NCKAP5: variants seen among roughly 807,000 people sequenced by gnomAD.
NCKAP5 encodes nck-associated protein 5.
In NCKAP5, 92 loss-of-function variants were observed where a neutral mutation model predicts 167.0. The observed-to-expected ratio is 0.55, with a 90% CI of 0.47 to 0.66. The LOEUF is 0.66. Ranked by LOEUF, NCKAP5 falls within the 30% of genes least tolerant of loss-of-function variation. The pLI is 0.00. For synonymous variants in NCKAP5, 891 were observed against 877.4 expected, an observed-to-expected ratio of 1.02 and a Z score of -0.27; for missense variants, 2,378 against 2,315.0, an observed-to-expected ratio of 1.03 and a Z score of -0.56.
chr2:132,995,174 A>T (rs988063142), intron 6 of NCKAP5, among the ~76,000 whole-genome samples: 2 of 152,144 alleles, frequency 1.3e-5, no homozygotes, highest in Admixed American at 6.5e-5. Context: ...TAAATCTATA[A>T]AAAATATTTT....
chr2:132,896,683 G>C (rs1252095464), intron 8 of NCKAP5, among the ~76,000 whole-genome samples: 2 of 152,170 alleles, frequency 1.3e-5, no homozygotes, highest in Non-Finnish European at 2.9e-5. Flanking sequence ...AGAGAATATT[G>C]AATCATTGTG....
intron 6 of NCKAP5, among the ~76,000 whole-genome samples, chr2:133,064,422 G>A (rs2080118638): frequency 6.6e-6 from 1 of 151,820 alleles, no homozygotes; most frequent in Admixed American, 6.6e-5. Context: ...ATACGTGCCA[G>A]AAAGAATGCT....
chr2:133,292,158 G>A (rs1196709339), intron 4 of NCKAP5, among the ~76,000 whole-genome samples: 1 of 152,110 alleles, frequency 6.6e-6, no homozygotes, highest in Non-Finnish European at 1.5e-5. Flanking sequence ...TTTGGAGAGA[G>A]ATACAGGGTT....
At chr2:133,039,657 A>C (rs1185664378) in intron 6 of NCKAP5, among the ~76,000 whole-genome samples, 1 of 152,156 alleles carries the variant, frequency 6.6e-6, no homozygotes, top group Non-Finnish European at 1.5e-5. Context: ...TTGAGATTAT[A>C]ATGCTATGAC....
chr2:132,770,540 G>A (rs1160394787), intron 16 of NCKAP5, among the ~76,000 whole-genome samples: 1 of 151,166 alleles, frequency 6.6e-6, no homozygotes, highest in African/African-American at 2.4e-5. Flanking sequence ...GCCAGCAGTA[G>A]CTTATTCATA....
At chr2:133,011,810 C>T (rs911623362) in intron 6 of NCKAP5, among the ~76,000 whole-genome samples, 7 of 152,190 alleles carry the variant, frequency 4.6e-5, no homozygotes, top group African/African-American at 1.4e-4. Flanking sequence ...CTGTGAACCA[C>T]GTTGCTGATC....
chr2:133,650,634 G>A, the NCKAP5 span, among the ~76,000 whole-genome samples: 5 of 152,296 alleles, frequency 3.3e-5, no homozygotes, highest in Admixed American at 3.3e-4. Flanking sequence ...CAACACTTTG[G>A]GAGGCCGAGG....
Position 132,784,383 on chromosome 2 carries a change from A to G in NCKAP5, c.2428T>C (p.Ser810Pro). Residue 810 changes from serine (S) to proline (P), a missense_variant, in exon 14 of 20, where the codon TCA (serine) becomes CCA (proline). Ser to Pro is a moderately conservative substitution (Grantham distance 74, BLOSUM62 -1). This residue lies in a region of NCKAP5 where 1,049 missense variants were observed against 1,023.4 expected (regional missense o/e 1.02). Transcript: ENST00000409261. ...TCCATTAGTTTTGATTTCTGAGGTG[A>G]AGACTTGCCCCTGGGAGGTATTTTT... ...LTKIPPRGKS[S>P]PQKSKLMEPE... The G allele has an allele frequency of 6.2e-7, 1 of 1,613,930 alleles. No individual in the cohort carries two copies.
chr2:133,323,595 G>A (rs1472818082), intron 3 of NCKAP5, among the ~76,000 whole-genome samples: 1 of 152,206 alleles, frequency 6.6e-6, no homozygotes, highest in Non-Finnish European at 1.5e-5. Context: ...CCTTCAGTGT[G>A]TTCCAGCTCT....
intron 6 of NCKAP5, among the ~76,000 whole-genome samples, chr2:133,049,324 T>A (rs2079519619): frequency 6.6e-6 from 1 of 151,972 alleles, no homozygotes; most frequent in African/African-American, 2.4e-5. Context: ...GGCGGGTGGA[T>A]CCCGAGGTCA....
intron 19 of NCKAP5, among the ~76,000 whole-genome samples, chr2:132,691,796 A>T (rs1686764534): frequency 6.6e-6 from 1 of 152,022 alleles, no homozygotes; most frequent in African/African-American, 2.4e-5. Context: ...AACCACAGAC[A>T]TTCCCACCCT....
intron 5 of NCKAP5, among the ~76,000 whole-genome samples, chr2:133,201,117 G>A (rs2085667101): frequency 6.6e-6 from 1 of 152,164 alleles, no homozygotes; most frequent in Non-Finnish European, 1.5e-5. Context: ...CAAGCACTGA[G>A]ATACCATGAT....
At chr2:133,518,583 T>G (rs1224375848) in intron 2 of NCKAP5, among the ~76,000 whole-genome samples, 2 of 152,008 alleles carry the variant, frequency 1.3e-5, no homozygotes, top group Non-Finnish European at 2.9e-5. Flanking sequence ...CTCGATCTCC[T>G]GAGCTCATGA....
intron 8 of NCKAP5, among the ~76,000 whole-genome samples, chr2:132,920,745 GTA>G (rs1212349630): frequency 7.3e-4 from 47 of 64,692 alleles, no homozygotes; most frequent in Admixed American, 2.3e-3. Flanking sequence ...ATATATATGT[GTA>G]TATATATATG....
chr2:133,393,502 G>A (rs1300084691), intron 3 of NCKAP5, among the ~76,000 whole-genome samples: 1 of 152,192 alleles, frequency 6.6e-6, no homozygotes, highest in East Asian at 1.9e-4. Context: ...CAAACAAAAA[G>A]CAAGCATGTT....
chr2:133,461,207 C>T (rs1559500483), intron 3 of NCKAP5, among the ~76,000 whole-genome samples: 1 of 152,116 alleles, frequency 6.6e-6, no homozygotes, highest in Non-Finnish European at 1.5e-5. Flanking sequence ...CAAATAGAAA[C>T]ATTATTTATC....
intron 7 of NCKAP5, 115 bp from the exon 8 acceptor site, chr2:132,963,984 G>T: frequency 8.3e-7 from 1 of 1,204,674 alleles, no homozygotes; most frequent in Non-Finnish European, 1.2e-6. Flanking sequence ...GGGGCTGGGA[G>T]TTTGCTAAAC....
chr2:133,045,858 G>A (rs1289501363), intron 6 of NCKAP5, among the ~76,000 whole-genome samples: 1 of 152,174 alleles, frequency 6.6e-6, no homozygotes, highest in African/African-American at 2.4e-5. Flanking sequence ...GATGAAGAGA[G>A]GTGAATGACA....
intron 4 of NCKAP5, among the ~76,000 whole-genome samples, chr2:133,281,854 T>A (rs1335918611): frequency 6.6e-6 from 1 of 152,162 alleles, no homozygotes; most frequent in African/African-American, 2.4e-5. Context: ...GAAACCACCA[T>A]CTTGAGAGCT....
Sources: gnomAD v4.1 joint callset for allele counts (sites outside exome capture counted in the v4.1 genomes callset) on GRCh38, gnomAD v4.1.1 for gene constraint, gnomAD v4.1.1 regional missense constraint, MANE v1.5 for transcripts, NCBI Gene and HGNC (gene_info 2026-07-23, HGNC 2026-07-21) for gene names.